The following ATF2 variants were observed in gnomAD, a reference collection of about 807,000 sequenced individuals.
ATF2 encodes activating transcription factor 2, also known as cyclic AMP-dependent transcription factor ATF-2.
A neutral mutation model predicts 60.6 loss-of-function variants in ATF2; 24 were observed. The ratio of observed to expected loss-of-function variants is 0.40; its 90% confidence interval spans 0.29 to 0.56. The LOEUF (loss-of-function observed/expected upper bound fraction) is 0.56. Ranked by LOEUF, ATF2 falls within the 20% of genes least tolerant of loss-of-function variation. ATF2 has a pLI of 0.54. For missense variants in ATF2, 433 were observed against 607.7 expected (o/e 0.71, Z 3.02); for synonymous variants, 206 against 215.4 (o/e 0.96, Z 0.38).
At chr2:175,146,483 T>A (rs1698959978) in intron 2 of ATF2, among the ~76,000 whole-genome samples, 1 of 152,210 alleles carries the variant, frequency 6.6e-6, no homozygotes, top group East Asian at 1.9e-4. Flanking sequence ...TAAAGAGTTT[T>A]GAAGTAAAAA....
intron 5 of ATF2, among the ~76,000 whole-genome samples, chr2:175,119,675 A>G (rs1696817584): frequency 6.6e-6 from 1 of 151,584 alleles, no homozygotes; most frequent in Non-Finnish European, 1.5e-5. Context: ...AAAAGATCTC[A>G]AAAATCACAT....
chr2:175,100,518 T>C (rs1024946594), intron 10 of ATF2, among the ~76,000 whole-genome samples: 1 of 152,196 alleles, frequency 6.6e-6, no homozygotes, highest in African/African-American at 2.4e-5. Flanking sequence ...TAGGAATAAA[T>C]AGTAACTTCT....
chr2:175,091,478 C>T (rs907977878), intron 12 of ATF2, among the ~76,000 whole-genome samples: 4 of 151,728 alleles, frequency 2.6e-5, no homozygotes, highest in Admixed American at 6.6e-5. Flanking sequence ...ATTTTTGCAG[C>T]ATAAATTAGT....
At position 175,104,468 on chromosome 2, in the gene ATF2, G is replaced by T. The variant is rs10181383; in HGVS notation, c.829-6875C>A. On this transcript the variant is annotated intron_variant, in intron 10 of 13. Transcript: ENST00000264110. ...ACAAGTTTTAAGGTGGTGGCAGGGT[G>T]GGGGGGGCGGTGCGCAAACAGGTGA... is the stretch of plus-strand genomic sequence containing the variant. 1.5e-3 allele frequency among the ~76,000 whole-genome samples: 222 copies of T among 151,346 alleles called. 2 individuals carry two copies. Among genetic ancestry groups the T allele is most frequent in the African/African-American group, 4.1e-3 (168 of 41,286 alleles).
intron 4 of ATF2, among the ~76,000 whole-genome samples, chr2:175,128,973 A>G (rs1395274599): frequency 6.6e-6 from 1 of 152,212 alleles, no homozygotes; most frequent in South Asian, 2.1e-4. Flanking sequence ...TATCTATCAG[A>G]TAATCCCATC....
intron 1 of ATF2, among the ~76,000 whole-genome samples, chr2:175,156,377 CAA>C (rs57399474): frequency 0.062 from 3,437 of 55,782 alleles, 9 homozygotes; most frequent in East Asian, 0.15. Flanking sequence ...TCTCAAAAAA[CAA>C]AAAAAAAAAA....
At chr2:175,156,932 CT>C (rs2105347445) in intron 1 of ATF2, among the ~76,000 whole-genome samples, 1 of 152,288 alleles carries the variant, frequency 6.6e-6, no homozygotes, top group South Asian at 2.1e-4. Context: ...GGAAGATGGA[CT>C]TGTGCCCCAC....
At chr2:175,123,357 T>C (rs1032796886) in intron 4 of ATF2, among the ~76,000 whole-genome samples, 1 of 152,070 alleles carries the variant, frequency 6.6e-6, no homozygotes, top group Non-Finnish European at 1.5e-5. Flanking sequence ...TTAGTTTATG[T>C]TTCAAAGAAC....
At chr2:175,108,800 T>C (rs1338617784) in intron 10 of ATF2, among the ~76,000 whole-genome samples, 3 of 151,708 alleles carry the variant, frequency 2.0e-5, no homozygotes, top group African/African-American at 7.3e-5. Context: ...AAAGTAGACA[T>C]GGGAGACTTC....
intron 2 of ATF2, among the ~76,000 whole-genome samples, chr2:175,146,050 A>T (rs1302461957): frequency 6.6e-6 from 1 of 152,180 alleles, no homozygotes; most frequent in African/African-American, 2.4e-5. Flanking sequence ...CCCCACGAGA[A>T]ATAAGAAAGA....
chr2:175,121,551 A>G lies in ATF2; in HGVS notation c.103-11T>C, dbSNP rs1350306902. 2 of 1,583,364 alleles carry G rather than the reference A, an allele frequency of 1.3e-6. No homozygotes were observed. ...CTCGTTGGTAAAACGCTGTGGCAAAAAGTTTTAAAATATAGTTAAGATTTT... is the reference window on the plus strand; with the variant it reads ...CTCGTTGGTAAAACGCTGTGGCAAAGAGTTTTAAAATATAGTTAAGATTTT... On this transcript the variant is annotated splice_polypyrimidine_tract_variant and intron_variant, in intron 4 of 13. Transcript: ENST00000264110.
At chr2:175,105,798 C>T (rs987350827) in intron 10 of ATF2, among the ~76,000 whole-genome samples, 1 of 151,908 alleles carries the variant, frequency 6.6e-6, no homozygotes, top group African/African-American at 2.4e-5. Flanking sequence ...GGTAAGTTCC[C>T]AAACCACAAT....
chr2:175,131,182 T>C (rs1697700641), intron 3 of ATF2, among the ~76,000 whole-genome samples: 1 of 152,202 alleles, frequency 6.6e-6, no homozygotes, highest in Non-Finnish European at 1.5e-5. Context: ...TTTATTGCTA[T>C]AATTGTCAAA....
chr2:175,100,660 T>C (rs1695253993), intron 10 of ATF2, among the ~76,000 whole-genome samples: 1 of 152,254 alleles, frequency 6.6e-6, no homozygotes, highest in Non-Finnish European at 1.5e-5. Flanking sequence ...ATGCGTATAC[T>C]GGTCCAAGTA....
chr2:175,078,931 T>C (rs1693563343), intron 13 of ATF2, among the ~76,000 whole-genome samples: 4 of 152,178 alleles, frequency 2.6e-5, no homozygotes, highest in African/African-American at 7.2e-5. Flanking sequence ...GGTAGAACTA[T>C]ATTTCAGTTA....
chr2:175,080,473 ACTC>A, intron 13 of ATF2, 184 bp downstream of exon 13: 2 of 406,404 alleles, frequency 4.9e-6, no homozygotes, highest in Non-Finnish European at 8.6e-6. Context: ...AAACAGGAAA[ACTC>A]AAACTCTCTA....
chr2:175,142,958 C>T (rs1366516635), intron 2 of ATF2, among the ~76,000 whole-genome samples: 4 of 152,126 alleles, frequency 2.6e-5, no homozygotes, highest in African/African-American at 7.2e-5. Flanking sequence ...GTGATCTTCC[C>T]GCCTCAGCTT....
intron 1 of ATF2, among the ~76,000 whole-genome samples, chr2:175,155,154 T>C (rs1345242282): frequency 2.0e-5 from 3 of 152,230 alleles, no homozygotes. Context: ...TGTATCTTCA[T>C]CTTCCCTTTG....
At chr2:175,100,829 G>T (rs1695261635) in intron 10 of ATF2, among the ~76,000 whole-genome samples, 1 of 152,162 alleles carries the variant, frequency 6.6e-6, no homozygotes, top group Non-Finnish European at 1.5e-5. Context: ...AGAATGTGAG[G>T]TCCCATTCCA....
Sources: allele counts gnomAD v4.1 joint callset (sites outside exome capture counted in the v4.1 genomes callset), GRCh38; gene constraint gnomAD v4.1.1; transcripts MANE v1.5; gene names NCBI Gene and HGNC (gene_info 2026-07-23, HGNC 2026-07-21).